Variants in TIMELESS observed in about 807,000 individuals in gnomAD.
TIMELESS encodes timeless circadian regulator.
In TIMELESS, 124 loss-of-function variants were observed where a neutral mutation model predicts 164.3. The ratio of observed to expected loss-of-function variants is 0.75; its 90% CI spans 0.65 to 0.88. The LOEUF (loss-of-function observed/expected upper bound fraction) is 0.88. Among genes scored for constraint, TIMELESS ranks in the 40% least tolerant of loss-of-function variants. TIMELESS has a pLI of 0.00. For missense variants in TIMELESS, 1,422 were observed against 1,491.4 expected (o/e 0.95, Z 0.77); for synonymous variants, 564 against 563.4 (o/e 1.00, Z -0.02).
At chr12:56,420,768 T>C (rs1198575756) in intron 25 of TIMELESS, 45 bp downstream of exon 25, 3 of 1,613,476 alleles carry the variant, frequency 1.9e-6, no homozygotes, top group Non-Finnish European at 2.5e-6. Flanking sequence ...AGGTCTCCAA[T>C]AGCCTCCAGG....
In TIMELESS at chr12:56,431,500, C is replaced by T; in HGVS notation, c.792G>A (p.Lys264=). Residue 264 remains lysine, a synonymous_variant, in exon 8 of 29, where the codon AAG becomes AAA. Coordinates refer to ENST00000553532, the MANE Select transcript of TIMELESS (RefSeq NM_003920.5). ...TGCCTCGCTGGAGGGCTCGAGTCTT[C>T]TTTTCTGCCATCTCTCGCTGGCGCA... ...EVLRQREMAE[K]KTRALQRGNR... is the part of the protein sequence containing the mutation. 1 of 1,612,992 alleles carries T rather than the reference C, an allele frequency of 6.2e-7. No individual in the cohort carries two copies. The highest frequency in any genetic ancestry group is 2.2e-5 in the East Asian group (1 of 44,760).
chr12:56,445,203 A>C (rs183168767), intron 1 of TIMELESS, among the ~76,000 whole-genome samples: 1 of 151,536 alleles, frequency 6.6e-6, no homozygotes, highest in African/African-American at 2.4e-5. Flanking sequence ...AGGTGGGTGG[A>C]TCACCTGAGG....
chr12:56,417,719 G>C lies in TIMELESS; in HGVS notation c.3624C>G (p.Asp1208Glu), dbSNP rs1417922755. The C allele has an allele frequency of 3.7e-6, 6 of 1,614,036 alleles. No individual in the cohort carries two copies. The highest frequency in any genetic ancestry group is 1.6e-4 in the Middle Eastern group (1 of 6,084). Residue 1208 changes from aspartate (D) to glutamate (E), a missense_variant, in exon 29 of 29, where the codon GAC becomes GAG. Coordinates refer to ENST00000553532, the MANE Select transcript of TIMELESS (RefSeq NM_003920.5). ...KRYQIEDDED[D>E] is the part of the protein sequence containing the mutation. ...TACCCCTAGGCTTCTTAGCTCTTCA[G>C]TCATCCTCATCATCCTCAATCTGGT...
At position 56,434,166 on chromosome 12, in the gene TIMELESS, T is replaced by G; in HGVS notation, c.5A>C (p.Asp2Ala). The G allele has an allele frequency of 3.7e-6, 6 of 1,613,850 alleles. No individual in the cohort carries two copies. The highest frequency in any genetic ancestry group is 5.1e-6 in the Non-Finnish European group (6 of 1,179,840). The change falls in exon 2 of 29, where the codon GAC becomes GCC. Residue 2 changes from aspartate (D) to alanine (A), a missense_variant. Physicochemically the swap from Asp to Ala is moderately radical, Grantham distance 126. Transcript: ENST00000553532. ...AAGTTCACAGTTCATCATGTGCAAG[T>G]CCATACATCAGTGGACCAACCAACA... M[D>A]LHMMNCELLA...
intron 1 of TIMELESS, among the ~76,000 whole-genome samples, chr12:56,440,273 G>A (rs1245758389): frequency 6.6e-6 from 1 of 151,676 alleles, no homozygotes; most frequent in African/African-American, 2.4e-5. Context: ...CAAGTAGCTG[G>A]GACTACAGGC....
chr12:56,436,844 C>G (rs1452319105), intron 1 of TIMELESS, among the ~76,000 whole-genome samples: 2 of 152,124 alleles, frequency 1.3e-5, no homozygotes, highest in African/African-American at 4.8e-5. Flanking sequence ...AAAAGGAAAG[C>G]TCCATGCTGT....
At chr12:56,443,097 G>T (rs1011847359) in intron 1 of TIMELESS, among the ~76,000 whole-genome samples, 1 of 152,114 alleles carries the variant, frequency 6.6e-6, no homozygotes, top group Non-Finnish European at 1.5e-5. Flanking sequence ...AGAAAGAACA[G>T]AACAACAGCG....
chr12:56,428,235 C>A lies in TIMELESS; in HGVS notation c.1578+1G>T. ...TTCTACATTGTGGGGCTGCCCAGTA[C>A]CTGCACCACCAGGTTCCCACGGCTC... is the stretch of plus-strand genomic sequence containing the variant. On this transcript the variant is annotated splice_donor_variant, in intron 13 of 28. Transcript: ENST00000553532. LOFTEE classifies it high-confidence loss of function. 1 of 1,594,594 alleles carries A rather than the reference C, an allele frequency of 6.3e-7. No individual in the cohort carries two copies. Among genetic ancestry groups the A allele is most frequent in the Non-Finnish European group, 8.6e-7 (1 of 1,167,914 alleles).
intron 1 of TIMELESS, among the ~76,000 whole-genome samples, chr12:56,447,061 A>C (rs1438188747): frequency 6.6e-6 from 1 of 150,944 alleles, no homozygotes; most frequent in Non-Finnish European, 1.5e-5. Context: ...TCAGGCTGGA[A>C]TGCAATGGTG....
intron 9 of TIMELESS, among the ~76,000 whole-genome samples, chr12:56,430,587 G>A (rs1324388501): frequency 2.0e-5 from 3 of 152,028 alleles, no homozygotes; most frequent in Non-Finnish European, 2.9e-5. Context: ...GGCTGGTCTC[G>A]AACTCCTGGG....
chr12:56,428,505 C>T (rs745870125), intron 12 of TIMELESS, 44 bp downstream of exon 12: 15 of 1,609,708 alleles, frequency 9.3e-6, no homozygotes, highest in East Asian at 2.2e-5. Context: ...ATTCTCATCA[C>T]GAGATGGGAC....
In TIMELESS at chr12:56,429,186, T is replaced by C. The variant is rs1385570252; in HGVS notation, c.1087-86A>G. 2.4e-6 allele frequency: 3 copies of C among 1,255,444 alleles called. No homozygotes were observed. The African/African-American group carries it at 4.6e-5, about 19-fold the overall frequency. The allele number at this position is 1,255,444 out of a possible 1,614,324, so 77.8% of individuals were successfully genotyped here. ...TCCTGTCCTATGATGATGGAATGGA[T>C]GCTGGACACCGTCATAATTTTTTTT... On this transcript the variant is annotated intron_variant, in intron 10 of 28. Transcript: ENST00000553532.
rs1881581790 is a variant in TIMELESS, at chr12:56,423,711, T to C, written c.1967-4A>G. The C allele has an allele frequency of 6.2e-7, 1 of 1,613,988 alleles. No individual in the cohort carries two copies. The highest frequency in any genetic ancestry group is 1.1e-5 in the South Asian group (1 of 91,080). On this transcript the variant is annotated splice_region_variant and splice_polypyrimidine_tract_variant and intron_variant, in intron 16 of 28. Transcript: ENST00000553532. ...CGTTCCTCTGGGCCCTGCTGCCCTA[T>C]AGACAGAGGGAGGATTACTGAGTCT...
chr12:56,448,198 G>T (rs1382965868), intron 1 of TIMELESS, among the ~76,000 whole-genome samples: 1 of 151,974 alleles, frequency 6.6e-6, no homozygotes, highest in Non-Finnish European at 1.5e-5. Flanking sequence ...TTGAGGTCAG[G>T]AGTTCGAGAC....
rs766677008 is a variant in TIMELESS, at chr12:56,423,309, G to A, written c.2257C>T (p.Arg753Cys). ...FQLSVFCLFN[R>C]LLSDPAAGAY... ...CCAGCAGCAGGGTCACTAAGCAGAC[G>A]ATTGAAGAGGCAGAAGACTGACAGC... The change falls in exon 18 of 29, where the codon CGT (arginine) becomes TGT (cysteine). Residue 753 changes from arginine (R) to cysteine (C), a missense_variant. By Grantham distance (180) the Arg-to-Cys change is radical (BLOSUM62 -3). Transcript: ENST00000553532. 9.3e-5 allele frequency: 150 copies of A among 1,613,990 alleles called. No homozygotes were observed. The highest frequency in any genetic ancestry group is 1.2e-4 in the Non-Finnish European group (139 of 1,180,040).
chr12:56,437,421 C>CT (rs34169124), intron 1 of TIMELESS, among the ~76,000 whole-genome samples: 46 of 147,096 alleles, frequency 3.1e-4, no homozygotes, highest in Admixed American at 2.1e-3. Flanking sequence ...GATTTTATAG[C>CT]TTTTTTTTTT....
chr12:56,447,022 T>A (rs939212151), intron 1 of TIMELESS, among the ~76,000 whole-genome samples: 14 of 151,358 alleles, frequency 9.2e-5, no homozygotes, highest in African/African-American at 1.5e-4. Flanking sequence ...TATTTTTTTT[T>A]TTTTTGGAGA....
intron 1 of TIMELESS, among the ~76,000 whole-genome samples, chr12:56,444,680 G>A (rs952283893): frequency 1.3e-5 from 2 of 151,992 alleles, no homozygotes; most frequent in Non-Finnish European, 2.9e-5. Context: ...CCAAAGTGCT[G>A]GGATTACAGG....
intron 1 of TIMELESS, among the ~76,000 whole-genome samples, chr12:56,436,530 T>A (rs1882075815): frequency 1.3e-5 from 2 of 152,152 alleles, no homozygotes; most frequent in Admixed American, 6.5e-5. Context: ...CGTAAGTTAG[T>A]TAAGGAAGTC....
Sources: gnomAD v4.1 joint callset for allele counts (sites outside exome capture counted in the v4.1 genomes callset) on GRCh38, gnomAD v4.1.1 for gene constraint, MANE v1.5 for transcripts, NCBI Gene and HGNC (gene_info 2026-07-23, HGNC 2026-07-21) for gene names.